Variants in TBC1D8 observed in about 807,000 individuals in gnomAD.
TBC1D8 encodes TBC1 domain family member 8, also known as BUB2-like protein 1.
TBC1D8 carries 65 observed loss-of-function variants against 118.8 expected under a neutral mutation model. The observed-to-expected ratio is 0.55, with a 90% CI of 0.45 to 0.67. The LOEUF (loss-of-function observed/expected upper bound fraction) is 0.67, where lower values mean the gene tolerates loss of function less well. Ranked by LOEUF, TBC1D8 falls within the 30% of genes least tolerant of loss-of-function variation. TBC1D8 has a pLI of 0.00. For missense variants in TBC1D8, 1,376 were observed against 1,471.2 expected (o/e 0.94, Z 1.06); for synonymous variants, 566 against 595.8 (o/e 0.95, Z 0.73).
Position 101,059,142 on chromosome 2 carries a change from C to T in TBC1D8, c.402+279G>A, listed in dbSNP as rs60541594. ...CAGGATGGTCTCGACCTCCTGACCT[C>T]GTGATCTGCCTGCCTCGGCCTCCCA... On this transcript the variant is annotated intron_variant, in intron 3 of 19. Coordinates refer to ENST00000409318, the MANE Select transcript of TBC1D8 (RefSeq NM_001330348.2). Among the ~76,000 whole-genome samples the T allele has an allele frequency of 3.4e-3, 514 of 151,554 alleles. 6 individuals are homozygous for T. The highest frequency in any genetic ancestry group is 0.023 in the East Asian group (117 of 5,156).
chr2:101,017,921 G>A, intron 17 of TBC1D8: 1 of 1,550,788 alleles, frequency 6.4e-7, no homozygotes. Flanking sequence ...CGAACAAGAA[G>A]AGGAAAGCAA....
chr2:101,047,737 A>G (rs1681801384), intron 5 of TBC1D8, among the ~76,000 whole-genome samples: 1 of 152,180 alleles, frequency 6.6e-6, no homozygotes, highest in Non-Finnish European at 1.5e-5. Flanking sequence ...GGCCAACACC[A>G]GGCCCTTTTT....
intron 1 of TBC1D8, among the ~76,000 whole-genome samples, chr2:101,140,475 G>A (rs1439688581): frequency 1.3e-5 from 2 of 152,118 alleles, no homozygotes; most frequent in African/African-American, 2.4e-5. Context: ...TGGGCAATGA[G>A]GGGACACAGC....
Position 101,008,186 on chromosome 2 carries a change from C to T in TBC1D8, c.3103G>A (p.Val1035Ile). The stretch of plus-strand genomic sequence containing the variant: ...CCGATCTGCAGCAGCAGTGTGGTGA[C>T]TGTGGCGATGGCTTGATACAAATCA... ...ENDLYQAIATVTTLLLQIGEV... is the reference protein window; with the variant it reads ...ENDLYQAIATITTLLLQIGEV... The change falls in exon 20 of 20, where the codon GTC becomes ATC. Residue 1035 changes from valine to isoleucine, a missense_variant. Coordinates refer to ENST00000409318, the MANE Select transcript of TBC1D8 (RefSeq NM_001330348.2). The T allele has an allele frequency of 6.2e-7, 1 of 1,613,290 alleles. No individual in the cohort carries two copies. Among genetic ancestry groups the T allele is most frequent in the Non-Finnish European group, 8.5e-7 (1 of 1,179,538 alleles).
intron 2 of TBC1D8, among the ~76,000 whole-genome samples, chr2:101,071,090 A>G (rs886206030): frequency 6.6e-5 from 10 of 152,180 alleles, no homozygotes; most frequent in Middle Eastern, 3.2e-3. Flanking sequence ...CTGTAATCCC[A>G]GCACTTTGGG....
At chr2:101,099,555 A>C (rs1676690118) in intron 1 of TBC1D8, among the ~76,000 whole-genome samples, 1 of 152,216 alleles carries the variant, frequency 6.6e-6, no homozygotes, top group African/African-American at 2.4e-5. Context: ...GAGACACAAC[A>C]AAAGAAAGAA....
chr2:101,011,277 G>C (rs1679187940), intron 18 of TBC1D8, 174 bp downstream of exon 18: 8 of 731,244 alleles, frequency 1.1e-5, no homozygotes, highest in Non-Finnish European at 1.5e-5. Flanking sequence ...CAGCCACCCA[G>C]CAACACCCCC....
chr2:101,114,943 G>C (rs1025681060), intron 1 of TBC1D8, among the ~76,000 whole-genome samples: 3 of 152,184 alleles, frequency 2.0e-5, no homozygotes, highest in Admixed American at 6.5e-5. Context: ...TCCCTGGTCT[G>C]ACTTCCCCAT....
chr2:101,138,702 G>A (rs1678968469), intron 1 of TBC1D8, among the ~76,000 whole-genome samples: 1 of 152,096 alleles, frequency 6.6e-6, no homozygotes, highest in South Asian at 2.1e-4. Flanking sequence ...TACTGGAGGG[G>A]ACGTGGCACT....
intron 2 of TBC1D8, among the ~76,000 whole-genome samples, chr2:101,066,301 TA>T (rs1261426259): frequency 6.6e-6 from 1 of 151,414 alleles, no homozygotes; most frequent in Non-Finnish European, 1.5e-5. Context: ...TAAAATAAAA[TA>T]AAATAAATAT....
chr2:101,056,444 C>T (rs1682439397), intron 3 of TBC1D8, among the ~76,000 whole-genome samples: 1 of 152,060 alleles, frequency 6.6e-6, no homozygotes, highest in African/African-American at 2.4e-5. Flanking sequence ...CCTCATGATC[C>T]ACCCGCCTCC....
Position 101,062,982 on chromosome 2 carries a change from G to A in TBC1D8, c.284-3443C>T, listed in dbSNP as rs147970209. 9.5e-4 allele frequency among the ~76,000 whole-genome samples: 145 copies of A among 152,096 alleles called. 1 individual carries two copies. In the East Asian group the frequency reaches 0.026, roughly 27 times the overall value. ...TAAGTATCATTTACATCATCCTCAG[G>A]CCCAGTTCTTGCTATGGCTGGGCAT... is the stretch of plus-strand genomic sequence containing the variant. On this transcript the variant is annotated intron_variant, in intron 2 of 19. Coordinates refer to ENST00000409318, the MANE Select transcript of TBC1D8 (RefSeq NM_001330348.2).
intron 6 of TBC1D8, 67 bp downstream of exon 6, chr2:101,040,111 C>T (rs1219107628): frequency 2.6e-6 from 4 of 1,555,028 alleles, no homozygotes; most frequent in Non-Finnish European, 3.5e-6. Flanking sequence ...CTCCATCTCA[C>T]AGCCAGCAAC....
intron 2 of TBC1D8, among the ~76,000 whole-genome samples, chr2:101,076,567 C>A (rs1275661272): frequency 6.6e-6 from 1 of 152,158 alleles, no homozygotes; most frequent in Non-Finnish European, 1.5e-5. Context: ...TTAAATGATG[C>A]CCTGAGGGAG....
intron 1 of TBC1D8, among the ~76,000 whole-genome samples, chr2:101,113,564 C>G (rs1422776876): frequency 6.6e-6 from 1 of 152,192 alleles, no homozygotes; most frequent in African/African-American, 2.4e-5. Context: ...CCGCCTGCAG[C>G]CTGACAGCCC....
intron 1 of TBC1D8, among the ~76,000 whole-genome samples, chr2:101,116,888 G>A (rs186467079): frequency 7.3e-4 from 111 of 152,162 alleles, no homozygotes; most frequent in Middle Eastern, 6.8e-3. Context: ...GTGATCTGCC[G>A]CCTCAGCCTC....
intron 1 of TBC1D8, among the ~76,000 whole-genome samples, chr2:101,106,842 T>A (rs916428835): frequency 6.6e-6 from 1 of 152,228 alleles, no homozygotes; most frequent in African/African-American, 2.4e-5. Context: ...CAGTGCACTG[T>A]ATTCAATACA....
intron 1 of TBC1D8, among the ~76,000 whole-genome samples, chr2:101,134,479 G>T (rs1192763775): frequency 2.6e-5 from 4 of 152,194 alleles, no homozygotes; most frequent in African/African-American, 9.6e-5. Flanking sequence ...TTAAACTGCA[G>T]AAGTTTATTT....
chr2:101,067,710 T>C (rs1165807883), intron 2 of TBC1D8, among the ~76,000 whole-genome samples: 1 of 152,208 alleles, frequency 6.6e-6, no homozygotes, highest in African/African-American at 2.4e-5. Flanking sequence ...ACTGTCAGTG[T>C]GCTGGCTGCT....
Sources: gnomAD v4.1 joint callset for allele counts (sites outside exome capture counted in the v4.1 genomes callset) on GRCh38, gnomAD v4.1.1 for gene constraint, MANE v1.5 for transcripts, NCBI Gene and HGNC (gene_info 2026-07-23, HGNC 2026-07-21) for gene names.